The following LANCL2 variants were observed in gnomAD, a reference collection of about 807,000 sequenced individuals.
LANCL2 encodes LanC like glutathione S-transferase 2, also known as lanC-like protein 2.
In LANCL2, 33 loss-of-function variants were observed where a neutral mutation model predicts 56.9. That is an observed-to-expected ratio of 0.58 (90% confidence interval 0.44 to 0.78). LANCL2 has a LOEUF of 0.78. Among genes scored for constraint, LANCL2 ranks in the 30% least tolerant of loss-of-function variants. The probability of loss-of-function intolerance (pLI) is 0.00; values close to 1 mark genes in which losing one functional copy is unlikely to be tolerated. For missense variants in LANCL2, 562 were observed against 580.2 expected (o/e 0.97, Z 0.32); for synonymous variants, 233 against 228.2 (o/e 1.02, Z -0.19).
chr7:55,393,840 T>C (rs1790219149), intron 2 of LANCL2, among the ~76,000 whole-genome samples: 2 of 152,182 alleles, frequency 1.3e-5, no homozygotes, highest in Non-Finnish European at 2.9e-5. Context: ...CAAAGATATC[T>C]TAAATGTAAT....
intron 1 of LANCL2, among the ~76,000 whole-genome samples, chr7:55,386,422 G>T (rs1429064177): frequency 6.6e-6 from 1 of 152,168 alleles, no homozygotes; most frequent in Non-Finnish European, 1.5e-5. Context: ...TCTGTTTGGG[G>T]GTCCCTGACT....
Position 55,391,263 on chromosome 7 carries a change from C to T in LANCL2, c.205-530C>T, listed in dbSNP as rs1221434011. On this transcript the variant is annotated intron_variant, in intron 1 of 8. Transcript: ENST00000254770. ...TCGATCTCCTGACCTCGTGATCCGC[C>T]CGCCTCGGCCTCCCAAAGTGCTGGG... Among the ~76,000 whole-genome samples the T allele has an allele frequency of 3.3e-5, 5 of 152,130 alleles. No individual in the cohort carries two copies. The East Asian group carries it at 9.6e-4, about 29-fold the overall frequency.
rs897630214 is a variant in LANCL2 at position 55,365,998 on chromosome 7, C to T, written c.-28C>T. The T allele has an allele frequency of 1.1e-5, 16 of 1,412,206 alleles. No homozygotes were observed. The highest frequency in any genetic ancestry group is 1.5e-5 in the Non-Finnish European group (16 of 1,076,534). 87.5% of individuals were successfully genotyped at this position (1,412,206 alleles called of 1,614,324 possible). A position where few individuals can be genotyped will look rare whatever the true frequency, so the allele number is the denominator to read the frequency against. The stretch of plus-strand genomic sequence containing the variant: ...GCAGCGCCGGGACAGGAGGTTTGTC[C>T]CCGCCCGCGCGCCGTACCGCGGCGG... On this transcript the variant is annotated 5_prime_UTR_variant, in exon 1 of 9. Transcript: ENST00000254770.
intron 5 of LANCL2, among the ~76,000 whole-genome samples, chr7:55,406,410 C>T (rs538386685): frequency 3.6e-4 from 54 of 150,406 alleles, no homozygotes; most frequent in Middle Eastern, 6.8e-3. Context: ...AGGTGGTTGT[C>T]GCTGGCAGTG....
At chr7:55,382,230 C>T (rs1034299169) in intron 1 of LANCL2, among the ~76,000 whole-genome samples, 2 of 151,994 alleles carry the variant, frequency 1.3e-5, no homozygotes, top group Non-Finnish European at 1.5e-5. Flanking sequence ...AACCCTCCTC[C>T]ATGAAATAAA....
chr7:55,382,507 T>A (rs753801325), intron 1 of LANCL2, among the ~76,000 whole-genome samples: 1 of 152,248 alleles, frequency 6.6e-6, no homozygotes, highest in African/African-American at 2.4e-5. Context: ...GACCGGAGTT[T>A]TTTTACTCAA....
intron 5 of LANCL2, among the ~76,000 whole-genome samples, chr7:55,402,523 C>T (rs556392873): frequency 3.4e-4 from 49 of 145,270 alleles, no homozygotes; most frequent in African/African-American, 1.2e-3. Context: ...CCCCCCACCT[C>T]CCGGATGGGG....
rs60573199 is a variant in LANCL2 at position 55,412,983 on chromosome 7, G to A, written c.1008+894G>A. Among the ~76,000 whole-genome samples the A allele has an allele frequency of 5.6e-3, 854 of 152,152 alleles. 7 individuals carry two copies. The highest frequency in any genetic ancestry group is 0.02 in the African/African-American group (814 of 41,500). On this transcript the variant is annotated intron_variant, in intron 6 of 8. Coordinates refer to ENST00000254770, the MANE Select transcript of LANCL2 (RefSeq NM_018697.4). ...TAATAAATTACTTAGGAAAATTGTG[G>A]GGAATTATCTCTCATGATTTAGGCT... is the stretch of plus-strand genomic sequence containing the variant.
At position 55,397,656 on chromosome 7, in the gene LANCL2, CTTTTTT is replaced by C. The variant is rs10659615; in HGVS notation, c.323-751_323-746del. 2.8e-5 allele frequency among the ~76,000 whole-genome samples: 3 copies of C among 108,840 alleles called. No individual in the cohort carries two copies. The East Asian group carries it at 7.9e-4, about 29-fold the overall frequency. 71.4% of individuals were successfully genotyped at this position (108,840 alleles called of 152,430 possible). A position where few individuals can be genotyped will look rare whatever the true frequency, so the allele number is the denominator to read the frequency against. ...CAGTAAATACATATTTATACTGATT[CTTTTTT>C]TTTTTTTTTTTTTTTACTTAGCTGT... is the stretch of plus-strand genomic sequence containing the variant. On this transcript the variant is annotated intron_variant, in intron 2 of 8. Transcript: ENST00000254770.
At chr7:55,382,610 G>A (rs778821752) in intron 1 of LANCL2, among the ~76,000 whole-genome samples, 1 of 152,168 alleles carries the variant, frequency 6.6e-6, no homozygotes, top group Non-Finnish European at 1.5e-5. Flanking sequence ...TCGGATCCTA[G>A]ATGAAATCTT....
intron 1 of LANCL2, among the ~76,000 whole-genome samples, chr7:55,390,749 C>T (rs978445987): frequency 6.6e-6 from 1 of 151,086 alleles, no homozygotes; most frequent in Non-Finnish European, 1.5e-5. Flanking sequence ...CCACAGCACT[C>T]CAGCCTGAGC....
rs1431053706 is a variant in LANCL2, at chr7:55,401,273, G to T, written c.778G>T (p.Val260Phe). The change falls in exon 5 of 9, where the codon GTT becomes TTT. Residue 260 changes from valine to phenylalanine, a missense_variant. Val to Phe is a conservative substitution (Grantham distance 50). This residue lies in a region of LANCL2 where 378 missense variants were observed against 468.4 expected (regional missense o/e 0.81). Coordinates refer to ENST00000254770, the MANE Select transcript of LANCL2 (RefSeq NM_018697.4). ...GTACCAGTGGCACCGGAAGCAGTACGTTGGAGCAGCCCATGGCATGGCTGG... is the reference window on the plus strand; with the variant it reads ...GTACCAGTGGCACCGGAAGCAGTACTTTGGAGCAGCCCATGGCATGGCTGG... ...LLYQWHRKQY[V>F]GAAHGMAGIY... The T allele has an allele frequency of 6.2e-7, 1 of 1,614,052 alleles. No individual in the cohort carries two copies. Among genetic ancestry groups the T allele is most frequent in the Non-Finnish European group, 8.5e-7 (1 of 1,180,024 alleles).
Position 55,398,558 on chromosome 7 carries a change from G to T in LANCL2, c.458G>T (p.Gly153Val). 6.2e-7 allele frequency: 1 copy of T among 1,614,150 alleles called. No homozygotes were observed. The highest frequency in any genetic ancestry group is 8.5e-7 in the Non-Finnish European group (1 of 1,179,990). Residue 153 changes from glycine to valine, a missense_variant, in exon 3 of 9, where the codon GGC (glycine) becomes GTC (valine). Physicochemically the swap from Gly to Val is moderately radical, Grantham distance 109. Transcript: ENST00000254770. Reference protein sequence around the residue: ...RRVTFLCGDAGPLAVGAVIYH... With the variant: ...RRVTFLCGDAVPLAVGAVIYH... ...GTCACCTTCCTCTGTGGGGATGCTG[G>T]CCCCCTGGCTGTTGGAGCTGTGATT...
intron 1 of LANCL2, among the ~76,000 whole-genome samples, chr7:55,385,685 G>A (rs906005322): frequency 6.6e-6 from 1 of 152,198 alleles, no homozygotes; most frequent in South Asian, 2.1e-4. Context: ...CAGGATGGAG[G>A]CGAAATTAAA....
chr7:55,417,738 G>C (rs1228960901), intron 6 of LANCL2, among the ~76,000 whole-genome samples: 1 of 152,054 alleles, frequency 6.6e-6, no homozygotes, highest in Admixed American at 6.6e-5. Flanking sequence ...GCTGGAGTAG[G>C]TGTGATCTTG....
intron 7 of LANCL2, among the ~76,000 whole-genome samples, chr7:55,426,268 G>T (rs1204450713): frequency 1.3e-5 from 2 of 152,204 alleles, no homozygotes; most frequent in Non-Finnish European, 2.9e-5. Context: ...GCATAGCACC[G>T]AGTAGAAACT....
chr7:55,426,007 AGT>A (rs1189137631), intron 7 of LANCL2, among the ~76,000 whole-genome samples: 2 of 152,092 alleles, frequency 1.3e-5, no homozygotes, highest in African/African-American at 4.8e-5. Flanking sequence ...CTAAGAACGG[AGT>A]GTGTCACTCT....
intron 8 of LANCL2, 110 bp downstream of exon 8, chr7:55,428,557 C>G: frequency 1.2e-6 from 1 of 816,128 alleles, no homozygotes; most frequent in Non-Finnish European, 2.1e-6. Context: ...TACTTCCAAA[C>G]TGTAAAATAA....
rs116269478 is a variant in LANCL2, at chr7:55,423,815, G to C, written c.1009-1439G>C. On this transcript the variant is annotated intron_variant, in intron 6 of 8. Coordinates refer to ENST00000254770, the MANE Select transcript of LANCL2 (RefSeq NM_018697.4). Reference sequence around the variant, plus strand: ...TGACAGTAGGGACTCAGCTCAGGCTGTCTGACCCCAGAGCCCACATCTTAG... The same window carrying C: ...TGACAGTAGGGACTCAGCTCAGGCTCTCTGACCCCAGAGCCCACATCTTAG... Among the ~76,000 whole-genome samples, 1,321 of 152,336 alleles carry C rather than the reference G, an allele frequency of 8.7e-3. 20 individuals are homozygous for C. Among genetic ancestry groups the C allele is most frequent in the African/African-American group, 0.03 (1,266 of 41,564 alleles).
Sources: gnomAD v4.1 joint callset for allele counts (sites outside exome capture counted in the v4.1 genomes callset) on GRCh38, gnomAD v4.1.1 for gene constraint, gnomAD v4.1.1 regional missense constraint, MANE v1.5 for transcripts, NCBI Gene and HGNC (gene_info 2026-07-23, HGNC 2026-07-21) for gene names.